Variants in GDF1 observed in about 807,000 individuals in gnomAD.
GDF1 encodes embryonic growth/differentiation factor 1.
A neutral mutation model predicts 7.4 loss-of-function variants in GDF1; 8 were observed. That is an observed-to-expected ratio of 1.09 (90% CI 0.64 to 1.96). The LOEUF (loss-of-function observed/expected upper bound fraction) is 1.96, where lower values mean the gene tolerates loss of function less well. GDF1 is among the 30% of genes most tolerant of loss of function. The pLI, the probability that GDF1 is intolerant of heterozygous loss-of-function variation, is 0.00. For missense variants in GDF1, 574 were observed against 551.5 expected (o/e 1.04, Z -0.41); for synonymous variants, 311 against 276.7 (o/e 1.12, Z -1.23).
rs1157054571 is a variant in GDF1, at chr19:18,895,649, C to G, written c.-1074+175G>C. Reference sequence around the variant, plus strand: ...GCGCGGCGGCCCGAGAGACCTTATCCTGGGGCTCCAACGTCCTGGGCCTCT... The same window carrying G: ...GCGCGGCGGCCCGAGAGACCTTATCGTGGGGCTCCAACGTCCTGGGCCTCT... On this transcript the variant is annotated intron_variant, in intron 1 of 7. Transcript: ENST00000247005. This position sits in a 1 kb window ranked among gnomAD's most constrained non-coding sequence, Gnocchi z 6.4. Among the ~76,000 whole-genome samples the G allele has an allele frequency of 6.6e-6, 1 of 151,780 alleles. No homozygotes were observed. The highest frequency in any genetic ancestry group is 1.5e-5 in the Non-Finnish European group (1 of 67,880).
At chr19:18,886,284 T>G (rs886297957) in intron 2 of GDF1, among the ~76,000 whole-genome samples, 2 of 152,108 alleles carry the variant, frequency 1.3e-5, no homozygotes, top group Non-Finnish European at 2.9e-5. Context: ...GCGCAGTGGC[T>G]CACGCCTGTA....
chr19:18,877,938 T>G, intron 6 of GDF1: 4 of 978,524 alleles, frequency 4.1e-6, no homozygotes, highest in Non-Finnish European at 4.9e-6. Flanking sequence ...CTTTTATTTC[T>G]GTTTCATCTA....
intron 2 of GDF1, among the ~76,000 whole-genome samples, chr19:18,892,003 C>G (rs2056503119): frequency 1.3e-5 from 2 of 151,856 alleles, no homozygotes; most frequent in South Asian, 4.2e-4. Context: ...AAGTGATTCT[C>G]CTGACTCAGC....
At chr19:18,880,110 C>T (rs2056164973) in intron 4 of GDF1, among the ~76,000 whole-genome samples, 164 bp downstream of exon 4, 1 of 151,220 alleles carries the variant, frequency 6.6e-6, no homozygotes, top group South Asian at 2.1e-4. Flanking sequence ...TGTATAGCCC[C>T]GCCCCTTCAG....
chr19:18,892,511 G>A (rs2146069358), intron 2 of GDF1, among the ~76,000 whole-genome samples: 1 of 152,154 alleles, frequency 6.6e-6, no homozygotes, highest in African/African-American at 2.4e-5. Context: ...CTACTCAGGA[G>A]GCTGAGGCAG....
chr19:18,868,913 C>T lies in GDF1; in HGVS notation c.803G>A (p.Arg268His). The T allele has an allele frequency of 7.3e-7, 1 of 1,370,566 alleles. No individual in the cohort carries two copies. The highest frequency in any genetic ancestry group is 4.0e-5 in the East Asian group (1 of 24,782). 84.9% of individuals were successfully genotyped at this position (1,370,566 alleles called of 1,614,324 possible). A position where few individuals can be genotyped will look rare whatever the true frequency, so the allele number is the denominator to read the frequency against. The change falls in exon 8 of 8, where the codon CGC (arginine) becomes CAC (histidine). Residue 268 changes from arginine to histidine, a missense_variant. Physicochemically the swap from Arg to His is conservative, Grantham distance 29. Coordinates refer to ENST00000247005, the MANE Select transcript of GDF1 (RefSeq NM_001492.6). ...VLGGGPGGAC[R>H]ARRLYVSFRE... ...GAAGCTCACGTACAGCCGCCGCGCG[C>T]GACAAGCGCCCCCGGGGCCGCCGCC... is the stretch of plus-strand genomic sequence containing the variant.
chr19:18,894,063 G>A (rs1413329214), intron 1 of GDF1, among the ~76,000 whole-genome samples: 2 of 151,596 alleles, frequency 1.3e-5, no homozygotes, highest in South Asian at 4.2e-4. Context: ...AGAGGGCTGG[G>A]AGAGACTAGG....
At chr19:18,876,029 T>C (rs2056054769) in intron 6 of GDF1, among the ~76,000 whole-genome samples, 1 of 152,238 alleles carries the variant, frequency 6.6e-6, no homozygotes, top group African/African-American at 2.4e-5. Flanking sequence ...ATAGAGTTCC[T>C]GGGAAAGTAA....
rs1568291785 is a variant in GDF1, at chr19:18,870,327, C to T, written c.-20G>A. 1.0e-5 allele frequency: 16 copies of T among 1,544,516 alleles called. No individual in the cohort carries two copies. In the South Asian group the frequency reaches 1.8e-4, roughly 17 times the overall value. On this transcript the variant is annotated 5_prime_UTR_variant, in exon 7 of 8. Coordinates refer to ENST00000247005, the MANE Select transcript of GDF1 (RefSeq NM_001492.6). The surrounding 1 kb of genome is among the most constrained non-coding windows in gnomAD (Gnocchi z 5.1). ...TGGCATCTTCCTCCCAGGCGATGAC[C>T]AGAGAGTGCGCAGGGTCCGCGGCGG...
rs891161198 is a variant in GDF1 at position 18,878,295 on chromosome 19, A to C, written c.-313+635T>G. On this transcript the variant is annotated intron_variant, in intron 6 of 7. Transcript: ENST00000247005. This position sits in a 1 kb window ranked among gnomAD's most constrained non-coding sequence, Gnocchi z 4.6. The stretch of plus-strand genomic sequence containing the variant: ...GCCTCCGTTCATCCCTGGCCCAGAC[A>C]CCCCCTGCCTGCCCCAGGCCTGGGG... 1.1e-5 allele frequency: 11 copies of C among 984,798 alleles called. No homozygotes were observed. The African/African-American group carries it at 1.9e-4, about 17-fold the overall frequency. The allele number at this position is 984,798 out of a possible 1,614,324, so 61.0% of individuals were successfully genotyped here.
chr19:18,872,553 T>A lies in GDF1; in HGVS notation c.-312-1934A>T, dbSNP rs373987166. Among the ~76,000 whole-genome samples the A allele has an allele frequency of 5.6e-4, 85 of 151,592 alleles. No individual in the cohort carries two copies. In the South Asian group the frequency reaches 0.016, roughly 28 times the overall value. ...TTTTTGAGACGAAGTCTCGCTCTTG[T>A]CCCCCAGGCGGGAATGCGGTGGCAC... On this transcript the variant is annotated intron_variant, in intron 6 of 7. Transcript: ENST00000247005.
At chr19:18,885,886 C>T (rs1291243087) in intron 2 of GDF1, among the ~76,000 whole-genome samples, 2 of 152,176 alleles carry the variant, frequency 1.3e-5, no homozygotes, top group African/African-American at 2.4e-5. Flanking sequence ...ATCCCTGGCC[C>T]TGACAGATGC....
At chr19:18,890,984 G>T (rs11881216) in intron 2 of GDF1, among the ~76,000 whole-genome samples, 112,493 of 151,552 alleles carry the variant, frequency 0.74, 43,516 homozygotes, top group African/African-American at 0.94. Flanking sequence ...ATTAGCCGAG[G>T]GTGGTGGCGC....
chr19:18,878,768 A>G lies in GDF1; in HGVS notation c.-313+162T>C. On this transcript the variant is annotated intron_variant, in intron 6 of 7. Transcript: ENST00000247005. This position sits in a 1 kb window ranked among gnomAD's most constrained non-coding sequence, Gnocchi z 4.6. ...TCCTGTCCTTCAGGGTACTGGCCAC[A>G]TCGTCCACGCCTTTATTGCAGTCTC... 7.0e-7 allele frequency: 1 copy of G among 1,438,526 alleles called. No individual in the cohort carries two copies. The highest frequency in any genetic ancestry group is 9.1e-7 in the Non-Finnish European group (1 of 1,094,886). The allele number at this position is 1,438,526 out of a possible 1,614,324, so 89.1% of individuals were successfully genotyped here.
At chr19:18,882,669 G>A (rs2056242255) in intron 3 of GDF1, among the ~76,000 whole-genome samples, 1 of 149,906 alleles carries the variant, frequency 6.7e-6, no homozygotes, top group South Asian at 2.1e-4. Context: ...ATAAGATAAA[G>A]TAATTTTAAA....
chr19:18,871,359 G>A (rs1004314532), intron 6 of GDF1, among the ~76,000 whole-genome samples: 6 of 151,142 alleles, frequency 4.0e-5, no homozygotes, highest in Admixed American at 4.0e-4. Context: ...CCTGAGTAGT[G>A]TGGTGGCACC....
chr19:18,870,425 AC>A lies in GDF1; in HGVS notation c.-119del. 1 of 1,140,098 alleles carries A rather than the reference AC, an allele frequency of 8.8e-7. No individual in the cohort carries two copies. Among genetic ancestry groups the A allele is most frequent in the Non-Finnish European group, 1.3e-6 (1 of 799,994 alleles). The allele number at this position is 1,140,098 out of a possible 1,614,324, so 70.6% of individuals were successfully genotyped here. ...GGGGTCCTGGGGGGCGTGGCCGGGA[AC>A]TGGAGGCAGGATGAGGGGGCGGGGT... On this transcript the variant is annotated 5_prime_UTR_variant, in exon 7 of 8. Coordinates refer to ENST00000247005, the MANE Select transcript of GDF1 (RefSeq NM_001492.6). This position sits in a 1 kb window ranked among gnomAD's most constrained non-coding sequence, Gnocchi z 5.1.
At chr19:18,882,842 A>G (rs182405978) in intron 3 of GDF1, among the ~76,000 whole-genome samples, 115 of 151,390 alleles carry the variant, frequency 7.6e-4, no homozygotes, top group Non-Finnish European at 1.2e-3. Flanking sequence ...ACAGGCGCCC[A>G]CCACCACGCC....
In GDF1 at chr19:18,871,223, ATTTT is replaced by A. The variant is rs572877061; in HGVS notation, c.-312-608_-312-605del. On this transcript the variant is annotated intron_variant, in intron 6 of 7. Transcript: ENST00000247005. ...CAGGGGCACGCCACCACTCCCAGCAATTTTTTTTTTTTTTTTTTTTTGAGACAGA... is the reference window on the plus strand; with the variant it reads ...CAGGGGCACGCCACCACTCCCAGCAATTTTTTTTTTTTTTTTTGAGACAGA... Among the ~76,000 whole-genome samples the A allele has an allele frequency of 2.6e-3, 316 of 119,776 alleles. 1 individual carries two copies. The highest frequency in any genetic ancestry group is 8.3e-3 in the Middle Eastern group (2 of 240). 78.6% of individuals were successfully genotyped at this position (119,776 alleles called of 152,430 possible). A position where few individuals can be genotyped will look rare whatever the true frequency, so the allele number is the denominator to read the frequency against.
Sources: gnomAD v4.1 joint callset for allele counts (sites outside exome capture counted in the v4.1 genomes callset) on GRCh38, gnomAD v4.1.1 for gene constraint, Gnocchi (gnomAD v3.1) non-coding constraint, MANE v1.5 for transcripts, NCBI Gene and HGNC (gene_info 2026-07-23, HGNC 2026-07-21) for gene names.